CNTN5: variants seen among roughly 807,000 people sequenced by gnomAD.
The protein encoded by CNTN5 is contactin-5.
Under a neutral mutation model 129.1 loss-of-function variants are expected in CNTN5, and 77 were observed. That is an observed-to-expected ratio of 0.60 (90% CI 0.50 to 0.72). The LOEUF (loss-of-function observed/expected upper bound fraction) is 0.72, where lower values mean the gene tolerates loss of function less well. Ranked by LOEUF, CNTN5 falls within the 30% of genes least tolerant of loss-of-function variation. The probability of loss-of-function intolerance (pLI) is 0.00; values close to 1 mark genes in which losing one functional copy is unlikely to be tolerated. For missense variants in CNTN5, 1,478 were observed against 1,328.8 expected (o/e 1.11, Z -1.75); for synonymous variants, 509 against 465.6 (o/e 1.09, Z -1.20).
chr11:100,173,340 G>C (rs1334376246), intron 13 of CNTN5, among the ~76,000 whole-genome samples: 1 of 152,034 alleles, frequency 6.6e-6, no homozygotes, highest in African/African-American at 2.4e-5. Flanking sequence ...CAAGGAAGAG[G>C]GAAGGCTCCT....
chr11:99,744,488 C>T (rs772751157), intron 3 of CNTN5, among the ~76,000 whole-genome samples: 1 of 140,440 alleles, frequency 7.1e-6, no homozygotes, highest in African/African-American at 2.7e-5. Context: ...TCACTTGAGC[C>T]CAGGAGTTAG....
intron 1 of CNTN5, among the ~76,000 whole-genome samples, chr11:99,086,057 G>C (rs1258926220): frequency 6.6e-6 from 1 of 152,318 alleles, no homozygotes; most frequent in East Asian, 1.9e-4. Context: ...AGCCCATTGA[G>C]CACTTTAGTA....
At chr11:99,095,923 A>G (rs1261803607) in intron 1 of CNTN5, among the ~76,000 whole-genome samples, 1 of 151,868 alleles carries the variant, frequency 6.6e-6, no homozygotes, top group Non-Finnish European at 1.5e-5. Flanking sequence ...AATTGGTTTT[A>G]TTTCTTTTTC....
intron 2 of CNTN5, among the ~76,000 whole-genome samples, chr11:99,444,940 T>G (rs1286260362): frequency 6.6e-6 from 1 of 151,438 alleles, no homozygotes; most frequent in Non-Finnish European, 1.5e-5. Context: ...AATACTCATA[T>G]GATCAAAATT....
intron 2 of CNTN5, among the ~76,000 whole-genome samples, chr11:99,407,903 A>G (rs1942160626): frequency 6.6e-6 from 1 of 152,120 alleles, no homozygotes; most frequent in African/African-American, 2.4e-5. Flanking sequence ...AGGGCACAAA[A>G]ATACTCTCTG....
intron 13 of CNTN5, among the ~76,000 whole-genome samples, chr11:100,170,320 C>T (rs1177678345): frequency 2.6e-5 from 4 of 151,926 alleles, no homozygotes; most frequent in African/African-American, 9.7e-5. Flanking sequence ...ATTTTCATTA[C>T]AAGAAATAAA....
At chr11:99,308,918 C>T (rs1864985537) in intron 1 of CNTN5, among the ~76,000 whole-genome samples, 1 of 152,074 alleles carries the variant, frequency 6.6e-6, no homozygotes, top group South Asian at 2.1e-4. Context: ...GTTGAATCTG[C>T]TTTTAAGCCC....
intron 1 of CNTN5, among the ~76,000 whole-genome samples, chr11:99,051,064 A>G (rs1864408441): frequency 6.6e-6 from 1 of 151,900 alleles, no homozygotes; most frequent in Non-Finnish European, 1.5e-5. Flanking sequence ...ATCAATTAAC[A>G]TGGCCAAATT....
intron 15 of CNTN5, among the ~76,000 whole-genome samples, chr11:100,220,897 C>T (rs1440245089): frequency 6.6e-6 from 1 of 152,170 alleles, no homozygotes; most frequent in African/African-American, 2.4e-5. Flanking sequence ...GGAAAAGGGG[C>T]AGCAGGGCCA....
intron 1 of CNTN5, among the ~76,000 whole-genome samples, chr11:99,131,173 G>C (rs1325919910): frequency 2.0e-5 from 3 of 146,416 alleles, no homozygotes; most frequent in African/African-American, 7.7e-5. Flanking sequence ...GTGTGAACCT[G>C]GGAGGCGGAG....
Position 100,262,245 on chromosome 11 carries a change from C to T in CNTN5, c.2164+6327C>T, listed in dbSNP as rs368456881. On this transcript the variant is annotated intron_variant, in intron 17 of 24. Coordinates refer to ENST00000524871, the MANE Select transcript of CNTN5 (RefSeq NM_014361.4). ...GAAATGTAAATCAAAACCACAAAAC[C>T]ATCTCATGCCAGTTAGAATGGCGAT... Among the ~76,000 whole-genome samples, 5 of 151,822 alleles carry T rather than the reference C, an allele frequency of 3.3e-5. No homozygotes were observed. The East Asian group carries it at 7.8e-4, about 24-fold the overall frequency.
chr11:99,110,347 C>T (rs1046003435), intron 1 of CNTN5, among the ~76,000 whole-genome samples: 1 of 152,192 alleles, frequency 6.6e-6, no homozygotes, highest in East Asian at 1.9e-4. Flanking sequence ...GCAGTTGTGT[C>T]AGATTGCTGA....
chr11:99,646,618 T>C (rs942528342), intron 3 of CNTN5, among the ~76,000 whole-genome samples: 2 of 152,182 alleles, frequency 1.3e-5, no homozygotes, highest in African/African-American at 2.4e-5. Context: ...TTAGAAGGTG[T>C]GTCTTCCCTA....
At chr11:99,691,749 A>G (rs1394540673) in intron 3 of CNTN5, among the ~76,000 whole-genome samples, 1 of 152,084 alleles carries the variant, frequency 6.6e-6, no homozygotes, top group African/African-American at 2.4e-5. Context: ...GAGTTTGTAG[A>G]TATCTGTCGG....
intron 7 of CNTN5, among the ~76,000 whole-genome samples, chr11:99,924,238 G>C (rs1036326124): frequency 6.6e-6 from 1 of 152,162 alleles, no homozygotes; most frequent in Non-Finnish European, 1.5e-5. Flanking sequence ...TTTCTTTTGA[G>C]AAGTGTCTGT....
At chr11:99,242,604 C>T (rs1861617763) in intron 1 of CNTN5, among the ~76,000 whole-genome samples, 1 of 152,030 alleles carries the variant, frequency 6.6e-6, no homozygotes, top group African/African-American at 2.4e-5. Flanking sequence ...AAGCATAGTA[C>T]ACGATAGTTT....
intron 17 of CNTN5, among the ~76,000 whole-genome samples, chr11:100,256,567 G>C (rs1950074269): frequency 6.6e-6 from 1 of 152,130 alleles, no homozygotes; most frequent in Non-Finnish European, 1.5e-5. Flanking sequence ...CAACGCAGAA[G>C]GTGGGTGATT....
At chr11:100,127,548 T>A (rs1946231784) in intron 13 of CNTN5, among the ~76,000 whole-genome samples, 1 of 152,032 alleles carries the variant, frequency 6.6e-6, no homozygotes, top group African/African-American at 2.4e-5. Flanking sequence ...AGATGTATAA[T>A]TATTTTTCTA....
chr11:100,239,511 G>A (rs1949692066), intron 16 of CNTN5, among the ~76,000 whole-genome samples: 1 of 152,046 alleles, frequency 6.6e-6, no homozygotes, highest in Non-Finnish European at 1.5e-5. Flanking sequence ...ATGTAAATAT[G>A]CATTCTGTTA....
Sources: allele counts gnomAD v4.1 joint callset (sites outside exome capture counted in the v4.1 genomes callset), GRCh38; gene constraint gnomAD v4.1.1; transcripts MANE v1.5; gene names NCBI Gene and HGNC (gene_info 2026-07-23, HGNC 2026-07-21).